Variants in CTNNA3 observed in about 807,000 individuals in gnomAD.
The protein encoded by CTNNA3 is catenin alpha 3.
A neutral mutation model predicts 95.7 loss-of-function variants in CTNNA3; 76 were observed. The observed-to-expected ratio is 0.79, with a 90% CI of 0.66 to 0.96. The LOEUF (loss-of-function observed/expected upper bound fraction) is 0.96, where lower values mean the gene tolerates loss of function less well. CTNNA3 is among the 40% of genes least tolerant of loss of function. The probability of loss-of-function intolerance (pLI) is 0.00; values close to 1 mark genes in which losing one functional copy is unlikely to be tolerated. For synonymous variants in CTNNA3, 431 were observed against 374.4 expected (o/e 1.15, Z -1.74); for missense variants, 1,191 against 1,089.8 (o/e 1.09, Z -1.31).
At chr10:67,581,272 C>T (rs1467009495) in intron 3 of CTNNA3, among the ~76,000 whole-genome samples, 2 of 152,020 alleles carry the variant, frequency 1.3e-5, no homozygotes, top group Non-Finnish European at 2.9e-5. Context: ...GCATGAAGGG[C>T]TGTTGAATTT....
intron 9 of CTNNA3, among the ~76,000 whole-genome samples, chr10:66,755,062 G>T (rs1436496235): frequency 6.6e-6 from 1 of 152,100 alleles, no homozygotes; most frequent in Non-Finnish European, 1.5e-5. Flanking sequence ...AAATGACCCA[G>T]ATGTTCACCA....
chr10:67,644,198 G>A (rs141464802), intron 2 of CTNNA3, among the ~76,000 whole-genome samples: 4,569 of 152,190 alleles, frequency 0.03, 79 homozygotes, highest in Middle Eastern at 0.075. Context: ...AGCATCTGTT[G>A]TTTCCTGACT....
At position 67,691,625 on chromosome 10, in the gene CTNNA3, C is replaced by T. The variant is rs908750919; in HGVS notation, c.-6+4375G>A. ...GAGACCCTCTGCCTGGCAACCGCCC[C>T]GTCTGAGAAGTGAGGAGCCCCTCCG... On this transcript the variant is annotated intron_variant, in intron 1 of 17. Transcript: ENST00000433211. Among the ~76,000 whole-genome samples the T allele has an allele frequency of 9.2e-3, 1,394 of 151,804 alleles. 23 individuals carry two copies. Among genetic ancestry groups the T allele is most frequent in the African/African-American group, 0.032 (1,335 of 41,386 alleles).
chr10:66,377,652 T>C (rs1428309395), intron 12 of CTNNA3, among the ~76,000 whole-genome samples: 1 of 150,172 alleles, frequency 6.7e-6, no homozygotes, highest in African/African-American at 2.4e-5. Context: ...TTTTTATTTG[T>C]CTAAAAAAAA....
At chr10:66,566,974 G>A (rs1400915219) in intron 10 of CTNNA3, among the ~76,000 whole-genome samples, 2 of 122,726 alleles carry the variant, frequency 1.6e-5, no homozygotes, top group Non-Finnish European at 1.9e-5. Flanking sequence ...CAGGGAGCGG[G>A]GAGAAGAGGA....
chr10:67,702,559 A>C (rs1841047964), intron 1 of CTNNA3, among the ~76,000 whole-genome samples: 1 of 152,244 alleles, frequency 6.6e-6, no homozygotes, highest in East Asian at 1.9e-4. Flanking sequence ...GCAGAAATAA[A>C]GATGTTCTTT....
intron 13 of CTNNA3, among the ~76,000 whole-genome samples, chr10:66,181,325 C>G (rs764202265): frequency 3.9e-5 from 6 of 152,032 alleles, no homozygotes; most frequent in Admixed American, 6.6e-5. Flanking sequence ...TGCCAATTTG[C>G]AGAATTGTCA....
chr10:67,304,128 T>A (rs539372872), intron 5 of CTNNA3, among the ~76,000 whole-genome samples: 4 of 152,298 alleles, frequency 2.6e-5, no homozygotes, highest in African/African-American at 7.2e-5. Flanking sequence ...AATGTGGAGT[T>A]GGGCAAAATT....
intron 7 of CTNNA3, among the ~76,000 whole-genome samples, chr10:66,872,660 C>A (rs981529141): frequency 6.9e-6 from 1 of 145,564 alleles, no homozygotes; most frequent in African/African-American, 2.8e-5. Flanking sequence ...CAGAACGAGA[C>A]CCCGTCTCAA....
intron 5 of CTNNA3, among the ~76,000 whole-genome samples, chr10:67,446,343 G>T (rs574424992): frequency 1.1e-4 from 16 of 152,146 alleles, no homozygotes; most frequent in Middle Eastern, 6.8e-3. Flanking sequence ...CTCCTAGACC[G>T]AACTCTCAAT....
At chr10:66,276,100 C>T (rs568511614) in intron 13 of CTNNA3, among the ~76,000 whole-genome samples, 26 of 152,106 alleles carry the variant, frequency 1.7e-4, no homozygotes, top group Middle Eastern at 3.4e-3. Context: ...TTCTTTGTTT[C>T]CTCAAAAATT....
At chr10:66,445,626 G>A (rs963479665) in intron 11 of CTNNA3, among the ~76,000 whole-genome samples, 11 of 152,016 alleles carry the variant, frequency 7.2e-5, no homozygotes, top group African/African-American at 2.2e-4. Context: ...TGAAACCAAC[G>A]AGAACAAAGA....
At chr10:67,415,104 G>A (rs1002196918) in intron 5 of CTNNA3, among the ~76,000 whole-genome samples, 1 of 152,104 alleles carries the variant, frequency 6.6e-6, no homozygotes, top group African/African-American at 2.4e-5. Context: ...AACAAGACAA[G>A]GCTGCCTACT....
At chr10:66,557,759 T>C (rs550027510) in intron 10 of CTNNA3, among the ~76,000 whole-genome samples, 1 of 152,302 alleles carries the variant, frequency 6.6e-6, no homozygotes, top group East Asian at 1.9e-4. Flanking sequence ...TTCCTGATTA[T>C]GCATGAAATG....
chr10:67,559,253 C>T (rs1017640788), intron 3 of CTNNA3, among the ~76,000 whole-genome samples: 2 of 152,338 alleles, frequency 1.3e-5, no homozygotes, highest in Non-Finnish European at 2.9e-5. Flanking sequence ...TAGGGGCAGA[C>T]TGACACCTCA....
intron 10 of CTNNA3, among the ~76,000 whole-genome samples, chr10:66,553,182 T>C (rs1350517523): frequency 6.6e-6 from 1 of 152,082 alleles, no homozygotes; most frequent in African/African-American, 2.4e-5. Flanking sequence ...ATGTTTTAAA[T>C]ATAGTTTTTA....
intron 1 of CTNNA3, among the ~76,000 whole-genome samples, chr10:67,702,599 C>A (rs183998453): frequency 1.1e-4 from 16 of 152,264 alleles, no homozygotes; most frequent in African/African-American, 3.6e-4. Context: ...ACACAACATG[C>A]CAGAATCTCT....
intron 7 of CTNNA3, among the ~76,000 whole-genome samples, chr10:67,173,572 T>A: frequency 6.6e-6 from 1 of 152,192 alleles, no homozygotes; most frequent in East Asian, 1.9e-4. Context: ...TCTGTTCTAG[T>A]GTATATGATC....
intron 12 of CTNNA3, among the ~76,000 whole-genome samples, chr10:66,339,498 A>G (rs2092430966): frequency 6.6e-6 from 1 of 151,854 alleles, no homozygotes; most frequent in Non-Finnish European, 1.5e-5. Flanking sequence ...ATTGGGAAAG[A>G]GAAATAAACA....
Sources: gnomAD v4.1 joint callset for allele counts (sites outside exome capture counted in the v4.1 genomes callset) on GRCh38, gnomAD v4.1.1 for gene constraint, MANE v1.5 for transcripts, NCBI Gene and HGNC (gene_info 2026-07-23, HGNC 2026-07-21) for gene names.